Variants in SPIRE1 observed in about 807,000 individuals in gnomAD.
SPIRE1 encodes spire type actin nucleation factor 1.
SPIRE1 carries 40 observed loss-of-function variants against 94.1 expected under a neutral mutation model. The observed-to-expected ratio is 0.43, with a 90% CI of 0.33 to 0.55. SPIRE1 has a LOEUF of 0.55. Among genes scored for constraint, SPIRE1 ranks in the 20% least tolerant of loss-of-function variants. The pLI is 0.06. For missense variants in SPIRE1, 838 were observed against 975.2 expected (o/e 0.86, Z 1.87); for synonymous variants, 376 against 371.7 (o/e 1.01, Z -0.13).
In SPIRE1 at chr18:12,496,088, A is replaced by C. The variant is rs1456227307; in HGVS notation, c.987T>G (p.Ile329Met). Residue 329 changes from isoleucine (I) to methionine (M), a missense_variant, in exon 7 of 17, where the codon ATT (isoleucine) becomes ATG (methionine). By Grantham distance (10) the Ile-to-Met change is conservative (BLOSUM62 1). This residue lies in a region of SPIRE1 where 645 missense variants were observed against 804.7 expected (regional missense o/e 0.80). Coordinates refer to ENST00000409402, the MANE Select transcript of SPIRE1 (RefSeq NM_001128626.2). ...GAGCACTCTTTTTTAACCGAGGGGGAATATCACCATTCACCTAAAAGGAGA... is the reference window on the plus strand; with the variant it reads ...GAGCACTCTTTTTTAACCGAGGGGGCATATCACCATTCACCTAAAAGGAGA... ...TLRKVMVNGD[I>M]PPRLKKSAHE... 4 of 1,612,752 alleles carry C rather than the reference A, an allele frequency of 2.5e-6. No homozygotes were observed. Among genetic ancestry groups the C allele is most frequent in the Non-Finnish European group, 3.4e-6 (4 of 1,178,942 alleles).
At chr18:12,510,619 C>T (rs188782622) in intron 5 of SPIRE1, among the ~76,000 whole-genome samples, 1 of 151,702 alleles carries the variant, frequency 6.6e-6, no homozygotes, top group Non-Finnish European at 1.5e-5. Context: ...CTCGGCTCAC[C>T]CCAACCTCCA....
At chr18:12,558,051 A>C (rs577187873) in intron 2 of SPIRE1, among the ~76,000 whole-genome samples, 2 of 152,360 alleles carry the variant, frequency 1.3e-5, no homozygotes, top group African/African-American at 4.8e-5. Context: ...CTTAAATGTA[A>C]GACCTCAAAT....
chr18:12,639,662 C>T (rs2038031353), intron 1 of SPIRE1, among the ~76,000 whole-genome samples: 1 of 151,950 alleles, frequency 6.6e-6, no homozygotes, highest in Non-Finnish European at 1.5e-5. Context: ...ACCCAGGAGG[C>T]GGAGGTTGCA....
At chr18:12,645,687 C>G (rs1228825477) in intron 1 of SPIRE1, among the ~76,000 whole-genome samples, 1 of 152,126 alleles carries the variant, frequency 6.6e-6, no homozygotes, top group Non-Finnish European at 1.5e-5. Flanking sequence ...CCATTTTACC[C>G]AATTCAATAC....
chr18:12,539,587 GCACACACACACACA>G (rs57030414), intron 3 of SPIRE1, among the ~76,000 whole-genome samples: 1 of 139,014 alleles, frequency 7.2e-6, no homozygotes, highest in Non-Finnish European at 1.6e-5. Context: ...ACACACACAC[GCACACACACACACA>G]CACACACACA....
intron 2 of SPIRE1, among the ~76,000 whole-genome samples, chr18:12,634,384 C>A (rs1299219047): frequency 1.3e-5 from 2 of 151,436 alleles, no homozygotes; most frequent in Non-Finnish European, 2.9e-5. Flanking sequence ...AAGGCAGCTC[C>A]AATGGAGTCT....
chr18:12,461,443 C>CATACATGTGTGTGTGTGTATGTATGTAT (rs1175857436), intron 12 of SPIRE1, among the ~76,000 whole-genome samples: 1 of 137,948 alleles, frequency 7.2e-6, no homozygotes, highest in African/African-American at 3.1e-5. Context: ...TATGTATATA[C>CATACATGTGTGTGTGTGTATGTATGTAT]ATACATGTGT....
chr18:12,623,831 T>C (rs1192389066), intron 2 of SPIRE1, among the ~76,000 whole-genome samples: 2 of 152,178 alleles, frequency 1.3e-5, no homozygotes, highest in East Asian at 1.9e-4. Context: ...TTTCACCATA[T>C]TGGCCAGGCT....
intron 2 of SPIRE1, among the ~76,000 whole-genome samples, chr18:12,574,256 T>C (rs1396157388): frequency 3.9e-5 from 6 of 152,188 alleles, no homozygotes; most frequent in African/African-American, 9.7e-5. Context: ...AAAAAATAGA[T>C]AGATAATGTG....
intron 6 of SPIRE1, among the ~76,000 whole-genome samples, chr18:12,498,863 T>A (rs78641762): frequency 0.17 from 26,220 of 152,102 alleles, 2,493 homozygotes; most frequent in African/African-American, 0.25. Flanking sequence ...ACTCAAGCGA[T>A]CCTAGCACTT....
chr18:12,558,806 A>G (rs1265555160), intron 2 of SPIRE1, among the ~76,000 whole-genome samples: 1 of 152,194 alleles, frequency 6.6e-6, no homozygotes, highest in Non-Finnish European at 1.5e-5. Flanking sequence ...TCTTCTAGCT[A>G]CACATAAAAG....
chr18:12,457,343 A>G (rs1336039410), intron 12 of SPIRE1, among the ~76,000 whole-genome samples: 4 of 152,212 alleles, frequency 2.6e-5, no homozygotes, highest in African/African-American at 9.6e-5. Context: ...TATTTTTTTC[A>G]GTTTACAAAA....
At chr18:12,463,555 C>T (rs1226685994) in intron 11 of SPIRE1, 62 bp from the exon 12 acceptor site, 4 of 1,334,182 alleles carry the variant, frequency 3.0e-6, no homozygotes, top group Non-Finnish European at 3.1e-6. Context: ...AACCTTTTGA[C>T]ATTTGTGACA....
intron 2 of SPIRE1, among the ~76,000 whole-genome samples, chr18:12,602,687 G>A (rs2036870525): frequency 6.6e-6 from 1 of 152,230 alleles, no homozygotes; most frequent in South Asian, 2.1e-4. Context: ...CCCAGATATA[G>A]GAGACATGCA....
At chr18:12,609,147 T>G (rs2037068048) in intron 2 of SPIRE1, among the ~76,000 whole-genome samples, 1 of 152,178 alleles carries the variant, frequency 6.6e-6, no homozygotes. Flanking sequence ...GAGCTCAGGT[T>G]GTAATGCTCA....
intron 2 of SPIRE1, among the ~76,000 whole-genome samples, chr18:12,600,057 T>C (rs77412132): frequency 0.011 from 1,654 of 144,340 alleles, 20 homozygotes; most frequent in South Asian, 0.025. Context: ...GAACTGCAGA[T>C]AGATAGTCTC....
At chr18:12,487,135 A>G (rs1394706250) in intron 8 of SPIRE1, among the ~76,000 whole-genome samples, 1 of 152,182 alleles carries the variant, frequency 6.6e-6, no homozygotes, top group Non-Finnish European at 1.5e-5. Context: ...TTACAGGCAT[A>G]AGCCACCATG....
upstream of SPIRE1, chr18:12,658,259 T>G: frequency 4.3e-6 from 2 of 462,470 alleles, no homozygotes; most frequent in South Asian, 1.6e-5. Flanking sequence ...GCACGGTCTC[T>G]AGCCCGCAGG....
At chr18:12,634,654 G>T (rs190541384) in intron 2 of SPIRE1, among the ~76,000 whole-genome samples, 3 of 152,112 alleles carry the variant, frequency 2.0e-5, no homozygotes, top group African/African-American at 7.2e-5. Flanking sequence ...TCTTATCAGG[G>T]CCAGGTGCGG....
Sources: gnomAD v4.1 joint callset for allele counts (sites outside exome capture counted in the v4.1 genomes callset) on GRCh38, gnomAD v4.1.1 for gene constraint, gnomAD v4.1.1 regional missense constraint, MANE v1.5 for transcripts, NCBI Gene and HGNC (gene_info 2026-07-23, HGNC 2026-07-21) for gene names.